The following XRRA1 variants were observed in gnomAD, a reference collection of about 807,000 sequenced individuals.
XRRA1 encodes the protein X-ray radiation resistance associated 1.
A neutral mutation model predicts 80.2 loss-of-function variants in XRRA1; 69 were observed. That is an observed-to-expected ratio of 0.86 (90% confidence interval 0.71 to 1.05). The LOEUF is 1.05. XRRA1 is among the 50% of genes least tolerant of loss of function. The probability of loss-of-function intolerance (pLI) is 0.00; values close to 1 mark genes in which losing one functional copy is unlikely to be tolerated. For missense variants in XRRA1, 967 were observed against 976.4 expected (o/e 0.99, Z 0.13); for synonymous variants, 348 against 389.9 (o/e 0.89, Z 1.27).
At chr11:74,931,535 G>A (rs1365468260) in intron 5 of XRRA1, among the ~76,000 whole-genome samples, 1 of 151,880 alleles carries the variant, frequency 6.6e-6, no homozygotes, top group Non-Finnish European at 1.5e-5. Context: ...ATGTTGTCCA[G>A]GCTAGTCTCA....
chr11:74,893,664 A>G (rs945620126), intron 10 of XRRA1, among the ~76,000 whole-genome samples: 18 of 152,234 alleles, frequency 1.2e-4, no homozygotes, highest in African/African-American at 4.3e-4. Flanking sequence ...ATCATTAGAA[A>G]AATGCAAATC....
Position 74,851,989 on chromosome 11 carries a change from C to T in XRRA1, c.1264G>A (p.Gly422Arg), listed in dbSNP as rs1482773367. The T allele has an allele frequency of 6.2e-7, 1 of 1,613,656 alleles. No individual in the cohort carries two copies. Among genetic ancestry groups the T allele is most frequent in the Non-Finnish European group, 8.5e-7 (1 of 1,179,728 alleles). ...HNNPLVAHTR[G>R]VPPLLKSFLQ... ...GGGGGCAGGTTTGCGGGCACTATAC[C>T]TCGTGTATGGGCCACCAGAGGGTTG... Residue 422 changes from glycine (G) to arginine (R), a missense_variant and splice_region_variant, in exon 13 of 19, where the codon GGG becomes AGG. Coordinates refer to ENST00000684022, the MANE Select transcript of XRRA1 (RefSeq NM_001378157.1).
chr11:74,903,690 G>A (rs572787425), intron 10 of XRRA1, among the ~76,000 whole-genome samples: 1 of 152,234 alleles, frequency 6.6e-6, no homozygotes, highest in East Asian at 1.9e-4. Context: ...GCAACAGCGT[G>A]AGACTCCGTC....
At chr11:74,888,287 C>A (rs1473204854) in intron 10 of XRRA1, among the ~76,000 whole-genome samples, 3 of 152,184 alleles carry the variant, frequency 2.0e-5, no homozygotes, top group Non-Finnish European at 4.4e-5. Context: ...TCTGCAGCCT[C>A]CACCGCTGAT....
intron 12 of XRRA1, 38 bp from the exon 13 acceptor site, chr11:74,852,120 A>T (rs747377278): frequency 6.5e-7 from 1 of 1,545,634 alleles, no homozygotes; most frequent in Non-Finnish European, 8.9e-7. Context: ...GGTTGACACC[A>T]CCCCTCACCT....
At chr11:74,931,120 T>C (rs1161538802) in intron 5 of XRRA1, among the ~76,000 whole-genome samples, 1 of 117,304 alleles carries the variant, frequency 8.5e-6, no homozygotes, top group Non-Finnish European at 1.8e-5. Flanking sequence ...ATATCTTTTT[T>C]TATGCTTATA....
In XRRA1 at chr11:74,906,307, A is replaced by T. The variant is rs372144245; in HGVS notation, c.935T>A (p.Met312Lys). The T allele has an allele frequency of 2.5e-6, 4 of 1,613,990 alleles. No individual in the cohort carries two copies. Among genetic ancestry groups the T allele is most frequent in the East Asian group, 2.2e-5 (1 of 44,882 alleles). Residue 312 changes from methionine (M) to lysine (K), a missense_variant, in exon 10 of 19, where the codon ATG (methionine) becomes AAG (lysine). Met to Lys is a moderately conservative substitution (Grantham distance 95, BLOSUM62 -1). Coordinates refer to ENST00000684022, the MANE Select transcript of XRRA1 (RefSeq NM_001378157.1). Reference protein sequence around the residue: ...PQFMLQSKPRMLEDSDEQLDY... With the variant: ...PQFMLQSKPRKLEDSDEQLDY... ...CAGTTGCTCATCTGAGTCCTCAAGC[A>T]TCCTTGGCTTGGACTGCAGCATGAA...
chr11:74,889,132 A>G (rs942003398), intron 10 of XRRA1, among the ~76,000 whole-genome samples: 1 of 152,182 alleles, frequency 6.6e-6, no homozygotes. Flanking sequence ...ATGAAGGAAA[A>G]AATGTTAGGG....
In XRRA1 at chr11:74,843,421, G is replaced by A; in HGVS notation, c.2182C>T (p.Leu728=). ...TCCAGGTACTGCTTGTGGTTCACCA[G>A]CCGCCGTTCTGTCCACTGGTGCAGG... ...AVLHQWTERR[L]VNHKQYLEAK... The change falls in exon 19 of 19, where the codon CTG becomes TTG. Residue 728 remains leucine, a synonymous_variant. Coordinates refer to ENST00000684022, the MANE Select transcript of XRRA1 (RefSeq NM_001378157.1). 1 of 1,611,970 alleles carries A rather than the reference G, an allele frequency of 6.2e-7. No individual in the cohort carries two copies. The highest frequency in any genetic ancestry group is 1.6e-4 in the Middle Eastern group (1 of 6,062).
intron 10 of XRRA1, among the ~76,000 whole-genome samples, chr11:74,892,426 A>G (rs1389198673): frequency 6.6e-6 from 1 of 152,206 alleles, no homozygotes; most frequent in Non-Finnish European, 1.5e-5. Context: ...AAAGACTTAA[A>G]TGTTAGACCT....
At chr11:74,891,792 C>T (rs2050778445) in intron 10 of XRRA1, among the ~76,000 whole-genome samples, 1 of 152,170 alleles carries the variant, frequency 6.6e-6, no homozygotes, top group Non-Finnish European at 1.5e-5. Context: ...CATGAGTGAA[C>T]TCCCATTCAC....
chr11:74,930,188 A>G (rs1591517052), intron 6 of XRRA1, 112 bp downstream of exon 6: 2 of 937,330 alleles, frequency 2.1e-6, no homozygotes, highest in East Asian at 2.6e-5. Flanking sequence ...TTGTACTCCA[A>G]AAAAGAGATG....
chr11:74,943,155 C>G (rs984480748), intron 2 of XRRA1, among the ~76,000 whole-genome samples: 1 of 152,226 alleles, frequency 6.6e-6, no homozygotes, highest in Non-Finnish European at 1.5e-5. Context: ...CTCCGAGACT[C>G]TTCAATACCA....
At chr11:74,845,645 C>T (rs1195798618) in intron 15 of XRRA1, among the ~76,000 whole-genome samples, 10 of 152,070 alleles carry the variant, frequency 6.6e-5, no homozygotes, top group Admixed American at 6.6e-4. Context: ...CGAGCAAAGG[C>T]GCAGAGGTAA....
intron 8 of XRRA1, chr11:74,920,006 CAA>C (rs55989441): frequency 0.029 from 3,693 of 128,222 alleles, 140 homozygotes; most frequent in African/African-American, 0.097. Flanking sequence ...TATAAAACTG[CAA>C]AAAAAAAAAA....
Position 74,845,132 on chromosome 11 carries a change from T to C in XRRA1, c.1868A>G (p.Tyr623Cys). ...KLPTAFLPSK[Y>C]HGYEELLTAK... ...TGTCAGCAGTTCTTCATAGCCGTGGTACTTGCTGGGAAGGAAGGCAGTTGG... is the reference window on the plus strand; with the variant it reads ...TGTCAGCAGTTCTTCATAGCCGTGGCACTTGCTGGGAAGGAAGGCAGTTGG... The change falls in exon 16 of 19, where the codon TAC (tyrosine) becomes TGC (cysteine). Residue 623 changes from tyrosine to cysteine, a missense_variant. Coordinates refer to ENST00000684022, the MANE Select transcript of XRRA1 (RefSeq NM_001378157.1). 6.2e-7 allele frequency: 1 copy of C among 1,614,044 alleles called. No individual in the cohort carries two copies. Among genetic ancestry groups the C allele is most frequent in the Non-Finnish European group, 8.5e-7 (1 of 1,179,896 alleles).
chr11:74,881,189 T>C (rs1310178247), intron 10 of XRRA1, among the ~76,000 whole-genome samples: 1 of 151,066 alleles, frequency 6.6e-6, no homozygotes, highest in African/African-American at 2.4e-5. Context: ...GCTCTTCTTG[T>C]TGAATTGATC....
chr11:74,848,022 G>T, intron 15 of XRRA1, 93 bp downstream of exon 15: 1 of 1,155,668 alleles, frequency 8.7e-7, no homozygotes, highest in Non-Finnish European at 1.2e-6. Flanking sequence ...TGTGCTTGTT[G>T]CTCCCAGCTG....
intron 11 of XRRA1, among the ~76,000 whole-genome samples, chr11:74,859,676 GGTGCTTGT>G (rs1346527657): frequency 6.6e-6 from 1 of 152,104 alleles, no homozygotes; most frequent in Non-Finnish European, 1.5e-5. Flanking sequence ...CAAAGGGGAA[GGTGCTTGT>G]GTTCTTAAGG....
Sources: allele counts gnomAD v4.1 joint callset (sites outside exome capture counted in the v4.1 genomes callset), GRCh38; gene constraint gnomAD v4.1.1; transcripts MANE v1.5; gene names NCBI Gene and HGNC (gene_info 2026-07-23, HGNC 2026-07-21).